The following LOXL1 variants were observed in gnomAD, a reference collection of about 807,000 sequenced individuals.
LOXL1 encodes the protein lysyl oxidase like 1.
A neutral mutation model predicts 62.2 loss-of-function variants in LOXL1; 31 were observed. That is an observed-to-expected ratio of 0.50 (90% CI 0.37 to 0.67). The LOEUF (loss-of-function observed/expected upper bound fraction) is 0.67. LOXL1 is among the 30% of genes least tolerant of loss of function. The pLI is 0.00. For missense variants in LOXL1, 775 were observed against 843.4 expected, an observed-to-expected ratio of 0.92 and a Z score of 1.00; for synonymous variants, 403 against 384.4, an observed-to-expected ratio of 1.05 and a Z score of -0.56.
Position 73,926,765 on chromosome 15 carries a change from C to A in LOXL1, c.-19C>A, listed in dbSNP as rs2068580364. The stretch of plus-strand genomic sequence containing the variant: ...CCTGAGAGCCTCTCTGTCCACCAGG[C>A]CTCTGCAGAGGGGTCACCATGGCTC... On this transcript the variant is annotated 5_prime_UTR_variant, in exon 1 of 7. Transcript: ENST00000261921. The A allele has an allele frequency of 1.4e-6, 2 of 1,381,808 alleles. No homozygotes were observed. The highest frequency in any genetic ancestry group is 1.7e-5 in the South Asian group (1 of 60,574). 85.6% of individuals were successfully genotyped at this position (1,381,808 alleles called of 1,614,324 possible).
At chr15:73,950,724 A>G (rs1402261982) in intron 6 of LOXL1, among the ~76,000 whole-genome samples, 1 of 151,654 alleles carries the variant, frequency 6.6e-6, no homozygotes, top group East Asian at 1.9e-4. Flanking sequence ...ATCAGGGCTT[A>G]GTGTGTGGCC....
At chr15:73,939,449 C>CAG (rs1567087011) in intron 1 of LOXL1, among the ~76,000 whole-genome samples, 1 of 152,080 alleles carries the variant, frequency 6.6e-6, no homozygotes, top group Non-Finnish European at 1.5e-5. Context: ...AGGTGGAGCT[C>CAG]AGAGAGGGAG....
intron 6 of LOXL1, among the ~76,000 whole-genome samples, chr15:73,951,338 A>T (rs746666701): frequency 6.6e-6 from 1 of 152,040 alleles, no homozygotes; most frequent in Non-Finnish European, 1.5e-5. Flanking sequence ...AGCTCTTTAC[A>T]TAAGTGCTTG....
At chr15:73,927,974 C>T in intron 1 of LOXL1, 89 bp downstream of exon 1, 1 of 1,167,934 alleles carries the variant, frequency 8.6e-7, no homozygotes, top group African/African-American at 1.6e-5. Context: ...CTTAGAACTT[C>T]CTGGAGGCCT....
chr15:73,927,999 A>G, intron 1 of LOXL1, 114 bp downstream of exon 1: 1 of 973,932 alleles, frequency 1.0e-6, no homozygotes. Flanking sequence ...GGAGCTGCTA[A>G]GCACGGAGCA....
intron 1 of LOXL1, among the ~76,000 whole-genome samples, chr15:73,933,277 A>C (rs2068647548): frequency 6.6e-6 from 1 of 152,204 alleles, no homozygotes; most frequent in African/African-American, 2.4e-5. Context: ...CTCAGGGTTA[A>C]TGAGTGGCCA....
chr15:73,940,520 G>A (rs2068706747), intron 1 of LOXL1, among the ~76,000 whole-genome samples: 2 of 151,850 alleles, frequency 1.3e-5, no homozygotes, highest in Non-Finnish European at 2.9e-5. Context: ...AAATGAGACT[G>A]AGATTCAGAA....
intron 1 of LOXL1, among the ~76,000 whole-genome samples, chr15:73,937,120 A>G (rs944652830): frequency 2.6e-5 from 4 of 152,168 alleles, no homozygotes; most frequent in African/African-American, 9.7e-5. Context: ...GAAGGGGCAG[A>G]TGGTCTTTGT....
chr15:73,949,212 C>T (rs1437848607), intron 5 of LOXL1, among the ~76,000 whole-genome samples: 1 of 152,234 alleles, frequency 6.6e-6, no homozygotes, highest in East Asian at 1.9e-4. Context: ...GCGGGGCCCA[C>T]CTGGCATAGG....
At chr15:73,939,519 T>G (rs1052334897) in intron 1 of LOXL1, among the ~76,000 whole-genome samples, 2 of 152,104 alleles carry the variant, frequency 1.3e-5, no homozygotes, top group Non-Finnish European at 2.9e-5. Flanking sequence ...AAAATAATGG[T>G]AAGAGTGATT....
Position 73,928,271 on chromosome 15 carries a change from C to G in LOXL1, c.1102+386C>G, listed in dbSNP as rs202182364. 1.3e-4 allele frequency: 25 copies of G among 190,128 alleles called. No individual in the cohort carries two copies. The East Asian group carries it at 2.8e-3, about 22-fold the overall frequency. The allele number at this position is 190,128 out of a possible 1,614,324, so 11.8% of individuals were successfully genotyped here. ...TTCAATGAGGGCATCTCCTTCCCCC[C>G]TTAGAGATGTTCTATGCCAGCTCAC... On this transcript the variant is annotated intron_variant, in intron 1 of 6. Transcript: ENST00000261921.
At chr15:73,932,878 G>A (rs547974816) in intron 1 of LOXL1, among the ~76,000 whole-genome samples, 1 of 152,270 alleles carries the variant, frequency 6.6e-6, no homozygotes, top group South Asian at 2.1e-4. Flanking sequence ...AGCTGTGTCG[G>A]ATCAGACAAG....
Position 73,951,908 on chromosome 15 carries a change from C to G in LOXL1, c.*71C>G. On this transcript the variant is annotated 3_prime_UTR_variant, in exon 7 of 7. Coordinates refer to ENST00000261921, the MANE Select transcript of LOXL1 (RefSeq NM_005576.4). ...CCCTGCTCCCCGGGCAGCCTCCCGC[C>G]GAGGGGCCCAGCCCCCAACCCACAG... is the stretch of plus-strand genomic sequence containing the variant. 1 of 1,381,570 alleles carries G rather than the reference C, an allele frequency of 7.2e-7. No individual in the cohort carries two copies. Among genetic ancestry groups the G allele is most frequent in the Non-Finnish European group, 9.5e-7 (1 of 1,050,924 alleles). 85.6% of individuals were successfully genotyped at this position (1,381,570 alleles called of 1,614,324 possible).
intron 2 of LOXL1, among the ~76,000 whole-genome samples, chr15:73,944,240 A>G (rs1022870583): frequency 6.6e-6 from 1 of 152,222 alleles, no homozygotes; most frequent in Non-Finnish European, 1.5e-5. Flanking sequence ...TACAGCCTCC[A>G]TGACAGCCCT....
Position 73,927,350 on chromosome 15 carries a change from G to A in LOXL1, c.567G>A (p.Glu189=). The change falls in exon 1 of 7, where the codon GAG becomes GAA. Residue 189 remains glutamate, a synonymous_variant. Transcript: ENST00000261921. ...YPQAPFVSQY[E]NYDPASRTYD... is the part of the protein sequence containing the mutation. ...AGGCGCCCTTCGTCAGCCAGTACGA[G>A]AACTACGACCCCGCGTCGCGGACCT... 6.3e-7 allele frequency: 1 copy of A among 1,594,128 alleles called. No individual in the cohort carries two copies. Among genetic ancestry groups the A allele is most frequent in the South Asian group, 1.1e-5 (1 of 88,906 alleles).
chr15:73,926,590 C>A lies in LOXL1; in HGVS notation c.-194C>A. On this transcript the variant is annotated 5_prime_UTR_variant, in exon 1 of 7. In the 5' UTR this introduces an upstream ATG that the reference lacks. Coordinates refer to ENST00000261921, the MANE Select transcript of LOXL1 (RefSeq NM_005576.4). ...TGCAGCCCTGGGCACCGCCCCTGCCCTGCCCTGACCCCTTGGCCTTGAAAT... is the reference window on the plus strand; with the variant it reads ...TGCAGCCCTGGGCACCGCCCCTGCCATGCCCTGACCCCTTGGCCTTGAAAT... 1 of 572,728 alleles carries A rather than the reference C, an allele frequency of 1.7e-6. No individual in the cohort carries two copies. The highest frequency in any genetic ancestry group is 2.7e-6 in the Non-Finnish European group (1 of 370,168). 35.5% of individuals were successfully genotyped at this position (572,728 alleles called of 1,614,324 possible). A position where few individuals can be genotyped will look rare whatever the true frequency, so the allele number is the denominator to read the frequency against.
chr15:73,945,931 A>G lies in LOXL1; in HGVS notation c.1212-486A>G, dbSNP rs7163406. Among the ~76,000 whole-genome samples the G allele has an allele frequency of 0.67, 102,332 of 152,048 alleles. 35,413 individuals are homozygous for G. The highest frequency in any genetic ancestry group is 0.77 in the Non-Finnish European group (52,261 of 67,998). Reference sequence around the variant, plus strand: ...ATTTTTTAAATTTTAATTTCTCACTATGTTGCCCAGGCTGGTCTCAAACTA... The same window carrying G: ...ATTTTTTAAATTTTAATTTCTCACTGTGTTGCCCAGGCTGGTCTCAAACTA... On this transcript the variant is annotated intron_variant, in intron 2 of 6. Coordinates refer to ENST00000261921, the MANE Select transcript of LOXL1 (RefSeq NM_005576.4). This position sits in a 1 kb window ranked among gnomAD's most constrained non-coding sequence, Gnocchi z 4.3.
At chr15:73,941,682 C>T (rs1166816471) in intron 1 of LOXL1, among the ~76,000 whole-genome samples, 2 of 152,190 alleles carry the variant, frequency 1.3e-5, no homozygotes, top group African/African-American at 4.8e-5. Context: ...TTAGAGGCCC[C>T]AGAACCACTC....
At chr15:73,948,464 T>G (rs1397944749) in intron 5 of LOXL1, among the ~76,000 whole-genome samples, 1 of 152,186 alleles carries the variant, frequency 6.6e-6, no homozygotes, top group African/African-American at 2.4e-5. Context: ...CAGGTTGTCA[T>G]GGGCCCACCT....
Sources: gnomAD v4.1 joint callset for allele counts (sites outside exome capture counted in the v4.1 genomes callset) on GRCh38, gnomAD v4.1.1 for gene constraint, Gnocchi (gnomAD v3.1) non-coding constraint, MANE v1.5 for transcripts, NCBI Gene and HGNC (gene_info 2026-07-23, HGNC 2026-07-21) for gene names.